Variants in PPM1L observed in about 807,000 individuals in gnomAD.
PPM1L encodes the protein protein phosphatase, Mg2+/Mn2+ dependent 1L.
A neutral mutation model predicts 31.4 loss-of-function variants in PPM1L; 13 were observed. That is an observed-to-expected ratio of 0.41 (90% CI 0.27 to 0.66). The LOEUF (loss-of-function observed/expected upper bound fraction) is 0.66. PPM1L is among the 30% of genes least tolerant of loss of function. The pLI is 0.29. For synonymous variants in PPM1L, 184 were observed against 175.4 expected (o/e 1.05, Z -0.39); for missense variants, 326 against 453.7 (o/e 0.72, Z 2.56).
chr3:161,007,197 T>C (rs1717743129), intron 2 of PPM1L, among the ~76,000 whole-genome samples: 1 of 152,198 alleles, frequency 6.6e-6, no homozygotes, highest in South Asian at 2.1e-4. Flanking sequence ...AAACATATAG[T>C]CTGTCTGATG....
chr3:160,906,795 G>A (rs1713779256), intron 1 of PPM1L, among the ~76,000 whole-genome samples: 1 of 152,076 alleles, frequency 6.6e-6, no homozygotes, highest in African/African-American at 2.4e-5. Context: ...ATTCCTTGTG[G>A]GATATTGGAC....
At chr3:161,057,724 C>G (rs1719453052) in intron 2 of PPM1L, among the ~76,000 whole-genome samples, 1 of 152,012 alleles carries the variant, frequency 6.6e-6, no homozygotes. Context: ...ATTTTCGTTG[C>G]TGAGGAACTG....
intron 1 of PPM1L, among the ~76,000 whole-genome samples, chr3:160,787,262 A>T (rs1430973986): frequency 6.6e-6 from 1 of 152,182 alleles, no homozygotes; most frequent in Non-Finnish European, 1.5e-5. Context: ...CCTCACCAGC[A>T]TCTGTTAATT....
intron 1 of PPM1L, among the ~76,000 whole-genome samples, chr3:160,881,769 C>T (rs1712727422): frequency 6.6e-6 from 1 of 152,038 alleles, no homozygotes; most frequent in African/African-American, 2.4e-5. Flanking sequence ...GTATGTATTC[C>T]GGCCGGGCGC....
chr3:160,867,327 C>CT (rs529507709), intron 1 of PPM1L, among the ~76,000 whole-genome samples: 55,399 of 123,868 alleles, frequency 0.45, 12,361 homozygotes, highest in Middle Eastern at 0.55. Context: ...GTTCCATGTT[C>CT]TTTTTTTTTT....
At chr3:160,855,405 A>G (rs963702688) in intron 1 of PPM1L, among the ~76,000 whole-genome samples, 2 of 152,230 alleles carry the variant, frequency 1.3e-5, no homozygotes, top group Non-Finnish European at 2.9e-5. Context: ...AACTCTGCAC[A>G]GTGAAAGAAA....
intron 2 of PPM1L, among the ~76,000 whole-genome samples, chr3:161,059,112 T>A (rs898805499): frequency 3.3e-5 from 5 of 152,204 alleles, no homozygotes; most frequent in African/African-American, 1.2e-4. Flanking sequence ...CACAAAAACA[T>A]GCCCATTTTG....
chr3:160,925,055 CCAAA>C (rs565981328), intron 1 of PPM1L, among the ~76,000 whole-genome samples: 5 of 152,136 alleles, frequency 3.3e-5, no homozygotes, highest in South Asian at 2.1e-4. Context: ...CTGCATCTGC[CCAAA>C]CAAATTCAAG....
intron 1 of PPM1L, among the ~76,000 whole-genome samples, chr3:160,884,293 T>C (rs1249495489): frequency 1.3e-5 from 2 of 152,136 alleles, no homozygotes; most frequent in Non-Finnish European, 2.9e-5. Flanking sequence ...AGCTGGCATT[T>C]AGGTGTGTAG....
At chr3:161,049,391 ATTTTGGAT>A (rs1719196607) in intron 2 of PPM1L, among the ~76,000 whole-genome samples, 1 of 152,148 alleles carries the variant, frequency 6.6e-6, no homozygotes, top group African/African-American at 2.4e-5. Context: ...AGCATTTTGG[ATTTTGGAT>A]TTTTGGATTT....
chr3:160,760,504 G>T (rs1388646354), intron 1 of PPM1L, among the ~76,000 whole-genome samples: 1 of 152,178 alleles, frequency 6.6e-6, no homozygotes, highest in African/African-American at 2.4e-5. Context: ...ATGATACTGT[G>T]TGTGGATGGT....
intron 1 of PPM1L, among the ~76,000 whole-genome samples, chr3:160,778,822 C>G (rs1261259293): frequency 6.6e-6 from 1 of 152,172 alleles, no homozygotes. Flanking sequence ...GACTATTTCA[C>G]AGAAAACCTG....
At chr3:160,899,337 A>ATGGAGT (rs1248634523) in intron 1 of PPM1L, among the ~76,000 whole-genome samples, 1 of 152,162 alleles carries the variant, frequency 6.6e-6, no homozygotes. Flanking sequence ...CTGGGTTGAG[A>ATGGAGT]TGGACTTGGA....
At chr3:160,898,386 G>A (rs6441335) in intron 1 of PPM1L, among the ~76,000 whole-genome samples, 125,538 of 152,170 alleles carry the variant, frequency 0.82, 51,970 homozygotes, top group Middle Eastern at 0.89. Flanking sequence ...GAGACTCTCA[G>A]CGTCTCCTGA....
chr3:160,919,325 A>T (rs1393669048), intron 1 of PPM1L, among the ~76,000 whole-genome samples: 1 of 152,092 alleles, frequency 6.6e-6, no homozygotes, highest in African/African-American at 2.4e-5. Flanking sequence ...TTTATCTAGG[A>T]TCATAGTTGG....
At chr3:160,848,341 G>A (rs1714146338) in intron 1 of PPM1L, among the ~76,000 whole-genome samples, 1 of 151,988 alleles carries the variant, frequency 6.6e-6, no homozygotes, top group African/African-American at 2.4e-5. Context: ...GCTCTTGCTG[G>A]GTCAACAACA....
intron 1 of PPM1L, among the ~76,000 whole-genome samples, chr3:160,919,896 T>C (rs1213688113): frequency 6.6e-6 from 1 of 152,184 alleles, no homozygotes; most frequent in Non-Finnish European, 1.5e-5. Context: ...TTTTGAGCCC[T>C]GCTTGCTGGT....
chr3:161,059,692 C>T (rs1719515473), intron 2 of PPM1L, among the ~76,000 whole-genome samples: 1 of 152,048 alleles, frequency 6.6e-6, no homozygotes, highest in Non-Finnish European at 1.5e-5. Flanking sequence ...TTGTAATCCC[C>T]ATTGTTGGAG....
intron 1 of PPM1L, among the ~76,000 whole-genome samples, chr3:160,849,165 C>G (rs991795748): frequency 2.6e-5 from 4 of 152,104 alleles, no homozygotes; most frequent in African/African-American, 9.7e-5. Flanking sequence ...CAGAAGCACT[C>G]TGTCTTTTTT....
Sources: gnomAD v4.1 joint callset for allele counts (sites outside exome capture counted in the v4.1 genomes callset) on GRCh38, gnomAD v4.1.1 for gene constraint, MANE v1.5 for transcripts, NCBI Gene and HGNC (gene_info 2026-07-23, HGNC 2026-07-21) for gene names.